SLC12A8: variants seen among roughly 807,000 people sequenced by gnomAD.
SLC12A8 encodes cation-chloride cotransporter 9.
Under a neutral mutation model 75.6 loss-of-function variants are expected in SLC12A8, and 69 were observed. The observed-to-expected ratio is 0.91, with a 90% confidence interval of 0.75 to 1.11. The LOEUF is 1.11. SLC12A8 is among the 50% of genes most tolerant of loss of function. SLC12A8 has a pLI of 0.00. For synonymous variants in SLC12A8, 365 were observed against 372.8 expected (o/e 0.98, Z 0.24); for missense variants, 877 against 896.7 (o/e 0.98, Z 0.28).
At chr3:125,102,946 G>A (rs1437831430) in intron 10 of SLC12A8, among the ~76,000 whole-genome samples, 1 of 152,118 alleles carries the variant, frequency 6.6e-6, no homozygotes. Flanking sequence ...GGACCAGGAA[G>A]CACCACATCC....
chr3:125,161,839 G>A (rs773980977), intron 5 of SLC12A8, among the ~76,000 whole-genome samples: 7 of 152,182 alleles, frequency 4.6e-5, no homozygotes, highest in African/African-American at 4.8e-5. Context: ...GCACTCTTTT[G>A]TCCAGTATAT....
intron 8 of SLC12A8, among the ~76,000 whole-genome samples, chr3:125,113,558 C>T (rs1382800602): frequency 6.6e-6 from 1 of 152,214 alleles, no homozygotes; most frequent in African/African-American, 2.4e-5. Context: ...CGTAGCTCTG[C>T]TCCCAGCCCT....
At chr3:125,103,838 T>C (rs1938949282) in intron 10 of SLC12A8, among the ~76,000 whole-genome samples, 1 of 152,048 alleles carries the variant, frequency 6.6e-6, no homozygotes, top group African/African-American at 2.4e-5. Context: ...CTCGCTATGA[T>C]GTCCAGGCTG....
chr3:125,119,587 G>T (rs572064447), intron 7 of SLC12A8, among the ~76,000 whole-genome samples: 1 of 152,094 alleles, frequency 6.6e-6, no homozygotes, highest in East Asian at 1.9e-4. Flanking sequence ...AACAAGACAG[G>T]GTCCTCATTC....
In SLC12A8 at chr3:125,139,765, CT is replaced by C. The variant is rs564418133; in HGVS notation, c.623-3984del. Among the ~76,000 whole-genome samples, 157 of 152,374 alleles carry C rather than the reference CT, an allele frequency of 1.0e-3. 1 individual carries two copies. In the Middle Eastern group the frequency reaches 0.014, roughly 13 times the overall value. ...AGGGTAGGGCTGAGGTCCATGCCGC[CT>C]GCCATGCCCTCCGACAGTGGCTCTT... is the stretch of plus-strand genomic sequence containing the variant. On this transcript the variant is annotated intron_variant, in intron 5 of 13. Transcript: ENST00000469902.
Position 125,190,356 on chromosome 3 carries a change from C to A in SLC12A8, c.198+19G>T, listed in dbSNP as rs1178152779. The stretch of plus-strand genomic sequence containing the variant: ...TCTTGGGCCCGTGAGAGGCTCCAGG[C>A]CACCAACTCAGCACTCACCACCAGC... On this transcript the variant is annotated intron_variant, in intron 3 of 13. Transcript: ENST00000469902. The A allele has an allele frequency of 6.2e-7, 1 of 1,613,144 alleles. No individual in the cohort carries two copies. Among genetic ancestry groups the A allele is most frequent in the Non-Finnish European group, 8.5e-7 (1 of 1,179,506 alleles).
At chr3:125,144,761 A>G (rs1189676298) in intron 5 of SLC12A8, among the ~76,000 whole-genome samples, 1 of 152,154 alleles carries the variant, frequency 6.6e-6, no homozygotes. Context: ...CACAGCTCCA[A>G]GCTGGTCAAG....
At position 125,116,334 on chromosome 3, in the gene SLC12A8, T is replaced by C. The variant is rs1579481367; in HGVS notation, c.912+2435A>G. Among the ~76,000 whole-genome samples, 4 of 152,254 alleles carry C rather than the reference T, an allele frequency of 2.6e-5. No homozygotes were observed. In the East Asian group the frequency reaches 7.7e-4, roughly 29 times the overall value. ...CAATGGTCTCTTCCAGGGAATGGTC[T>C]CTTGTCCTCTCCGAAAACTAAATCT... On this transcript the variant is annotated intron_variant, in intron 8 of 13. Transcript: ENST00000469902.
intron 10 of SLC12A8, among the ~76,000 whole-genome samples, chr3:125,103,303 G>T (rs1361060990): frequency 6.6e-6 from 1 of 151,988 alleles, no homozygotes; most frequent in South Asian, 2.1e-4. Flanking sequence ...AGAGGAAAAC[G>T]TGAAGAGCCC....
At chr3:125,183,965 T>TTTATTA (rs59595900) in intron 4 of SLC12A8, among the ~76,000 whole-genome samples, 53 of 150,774 alleles carry the variant, frequency 3.5e-4, no homozygotes, top group East Asian at 9.8e-4. Flanking sequence ...TGTTTTACTT[T>TTTATTA]TTATTATTAT....
At chr3:125,178,592 C>T (rs1016883033) in intron 4 of SLC12A8, among the ~76,000 whole-genome samples, 1 of 152,106 alleles carries the variant, frequency 6.6e-6, no homozygotes, top group Non-Finnish European at 1.5e-5. Context: ...TACATGTTAC[C>T]TTATGGATTT....
intron 4 of SLC12A8, among the ~76,000 whole-genome samples, chr3:125,183,056 C>T (rs533969525): frequency 6.6e-6 from 1 of 152,182 alleles, no homozygotes; most frequent in Admixed American, 6.5e-5. Context: ...TACGCAAAAA[C>T]TAAATCAGGG....
chr3:125,088,364 G>T lies in SLC12A8; in HGVS notation c.1928C>A (p.Ala643Asp). ...RASPGLHLGS[A>D]SNFSFFRWMR... Reference sequence around the variant, plus strand: ...CCACCGGAAAAAGCTGAAGTTGGAGGCTGATCCTGCAGGGAAGACATATAC... The same window carrying T: ...CCACCGGAAAAAGCTGAAGTTGGAGTCTGATCCTGCAGGGAAGACATATAC... The change falls in exon 13 of 14, where the codon GCC becomes GAC. Residue 643 changes from alanine to aspartate, a missense_variant. Physicochemically the swap from Ala to Asp is moderately radical, Grantham distance 126. Transcript: ENST00000469902. 6.2e-7 allele frequency: 1 copy of T among 1,614,156 alleles called. No individual in the cohort carries two copies. Among genetic ancestry groups the T allele is most frequent in the Non-Finnish European group, 8.5e-7 (1 of 1,180,014 alleles).
chr3:125,153,628 G>GTACT (rs1933983402), intron 5 of SLC12A8, among the ~76,000 whole-genome samples: 1 of 148,896 alleles, frequency 6.7e-6, no homozygotes, highest in Admixed American at 6.6e-5. Flanking sequence ...TGAAATTTAT[G>GTACT]TATTTATTTA....
chr3:125,202,502 C>T (rs1008011843), intron 2 of SLC12A8, among the ~76,000 whole-genome samples: 6 of 152,056 alleles, frequency 3.9e-5, no homozygotes, highest in Non-Finnish European at 5.9e-5. Context: ...AAACCCCAGA[C>T]GATTAAATGA....
chr3:125,140,818 C>G (rs774639359), intron 5 of SLC12A8, among the ~76,000 whole-genome samples: 91 of 152,160 alleles, frequency 6.0e-4, no homozygotes, highest in Admixed American at 7.9e-4. Flanking sequence ...CTCCCAGCCT[C>G]GAGCAACCCT....
intron 8 of SLC12A8, among the ~76,000 whole-genome samples, chr3:125,115,910 G>A (rs1411178322): frequency 6.6e-6 from 1 of 152,184 alleles, no homozygotes; most frequent in Non-Finnish European, 1.5e-5. Context: ...AAGACAGGAA[G>A]CTGAGGTGAA....
At chr3:125,190,947 TTC>T (rs1351380630) in intron 2 of SLC12A8, among the ~76,000 whole-genome samples, 3 of 152,126 alleles carry the variant, frequency 2.0e-5, no homozygotes, top group South Asian at 4.1e-4. Flanking sequence ...GAGTGTGAGA[TTC>T]TGGGTTTCAC....
At chr3:125,091,735 C>T (rs772131446) in intron 11 of SLC12A8, among the ~76,000 whole-genome samples, 179 bp from the exon 12 acceptor site, 1 of 152,258 alleles carries the variant, frequency 6.6e-6, no homozygotes, top group East Asian at 1.9e-4. Flanking sequence ...GATATTTGGG[C>T]AGACACCTTC....
Sources: gnomAD v4.1 joint callset for allele counts (sites outside exome capture counted in the v4.1 genomes callset) on GRCh38, gnomAD v4.1.1 for gene constraint, MANE v1.5 for transcripts, NCBI Gene and HGNC (gene_info 2026-07-23, HGNC 2026-07-21) for gene names.